RANBP2: variants seen among roughly 807,000 people sequenced by gnomAD.
RANBP2 encodes E3 SUMO-protein ligase RanBP2.
In RANBP2, 57 loss-of-function variants were observed where a neutral mutation model predicts 303.6. The observed-to-expected ratio is 0.19, with a 90% CI of 0.15 to 0.23. The LOEUF (loss-of-function observed/expected upper bound fraction) is 0.23. RANBP2 is among the 10% of genes least tolerant of loss of function. The pLI, the probability that RANBP2 is intolerant of heterozygous loss-of-function variation, is 1.00. For synonymous variants in RANBP2, 1,167 were observed against 1,301.5 expected (o/e 0.90, Z 2.23); for missense variants, 3,138 against 3,780.8 (o/e 0.83, Z 4.46).
the RANBP2 span, among the ~76,000 whole-genome samples, chr2:109,166,940 C>A: frequency 6.6e-6 from 1 of 152,198 alleles, no homozygotes; most frequent in Non-Finnish European, 1.5e-5. Context: ...CATGATGCAT[C>A]CATAAATCTA....
the RANBP2 span, among the ~76,000 whole-genome samples, chr2:109,093,186 G>C: frequency 6.6e-6 from 1 of 152,176 alleles, no homozygotes; most frequent in Non-Finnish European, 1.5e-5. Flanking sequence ...AAGAGCAATA[G>C]AAACGGCTCA....
At chr2:109,507,126 G>T in the RANBP2 span, among the ~76,000 whole-genome samples, 1 of 152,178 alleles carries the variant, frequency 6.6e-6, no homozygotes, top group East Asian at 1.9e-4. Flanking sequence ...AGGGAGGAGG[G>T]TCTAAATGCC....
At chr2:109,507,782 ACTT>A in the RANBP2 span, among the ~76,000 whole-genome samples, 1 of 152,210 alleles carries the variant, frequency 6.6e-6, no homozygotes, top group Non-Finnish European at 1.5e-5. Flanking sequence ...TCAAAAGAGG[ACTT>A]CTTGACTCAA....
At chr2:109,544,882 A>C in the RANBP2 span, 1 of 887,090 alleles carries the variant, frequency 1.1e-6, no homozygotes, top group Non-Finnish European at 1.4e-6. Flanking sequence ...GCCCTTGGAG[A>C]GCTTGCATTG....
At chr2:109,425,590 A>T in the RANBP2 span, among the ~76,000 whole-genome samples, 1 of 152,108 alleles carries the variant, frequency 6.6e-6, no homozygotes, top group African/African-American at 2.4e-5. Context: ...TGCTAAATCT[A>T]CTCTGCCTGT....
chr2:109,435,587 G>A, the RANBP2 span, among the ~76,000 whole-genome samples: 1 of 152,188 alleles, frequency 6.6e-6, no homozygotes, highest in African/African-American at 2.4e-5. Context: ...CTCTTCCCGT[G>A]AGGGCACGCA....
chr2:108,990,684 CCA>C, the RANBP2 span, among the ~76,000 whole-genome samples: 1 of 152,136 alleles, frequency 6.6e-6, no homozygotes, highest in Non-Finnish European at 1.5e-5. Flanking sequence ...AATTCTGCCT[CCA>C]CAGAGATTAA....
chr2:109,534,544 C>G, the RANBP2 span, among the ~76,000 whole-genome samples: 2 of 152,174 alleles, frequency 1.3e-5, no homozygotes, highest in Non-Finnish European at 2.9e-5. Flanking sequence ...CTTTGGGAGG[C>G]CGAGGTGAGT....
the RANBP2 span, among the ~76,000 whole-genome samples, chr2:109,374,406 T>C: frequency 6.6e-6 from 1 of 152,166 alleles, no homozygotes; most frequent in African/African-American, 2.4e-5. Flanking sequence ...TTTCATTCTT[T>C]ATGTACTGAC....
chr2:109,417,790 C>T, the RANBP2 span, among the ~76,000 whole-genome samples: 1 of 152,186 alleles, frequency 6.6e-6, no homozygotes, highest in African/African-American at 2.4e-5. Context: ...TGGTTTCAGG[C>T]TCTGCTATGA....
At chr2:109,088,092 G>A in the RANBP2 span, among the ~76,000 whole-genome samples, 11 of 151,848 alleles carry the variant, frequency 7.2e-5, no homozygotes, top group East Asian at 1.9e-4. Context: ...GTGAAACCTC[G>A]TCTCTACTAA....
chr2:109,401,803 C>G, the RANBP2 span, among the ~76,000 whole-genome samples: 2 of 152,184 alleles, frequency 1.3e-5, no homozygotes, highest in African/African-American at 4.8e-5. Context: ...GCAGAGGGAA[C>G]CTTTCTAAGC....
the RANBP2 span, among the ~76,000 whole-genome samples, chr2:109,718,005 A>C: frequency 6.6e-6 from 1 of 152,240 alleles, no homozygotes; most frequent in Non-Finnish European, 1.5e-5. Context: ...CAAAATGAGC[A>C]AAACTTATAC....
chr2:108,719,901 C>A (rs575693286), intron 1 of RANBP2, among the ~76,000 whole-genome samples: 1 of 152,310 alleles, frequency 6.6e-6, no homozygotes, highest in South Asian at 2.1e-4. Flanking sequence ...CTTCCTCTTT[C>A]TCCCGGCTTG....
At chr2:109,473,914 C>T in the RANBP2 span, among the ~76,000 whole-genome samples, 4 of 152,330 alleles carry the variant, frequency 2.6e-5, no homozygotes, top group South Asian at 8.3e-4. Context: ...GCAGTGCTGT[C>T]ATTACCCCTA....
the RANBP2 span, among the ~76,000 whole-genome samples, chr2:109,140,191 C>T: frequency 6.6e-6 from 1 of 152,168 alleles, no homozygotes; most frequent in African/African-American, 2.4e-5. Flanking sequence ...ATGGTTGGTG[C>T]ATATGGGTCG....
chr2:109,148,058 A>G, the RANBP2 span, among the ~76,000 whole-genome samples: 1 of 152,108 alleles, frequency 6.6e-6, no homozygotes, highest in Non-Finnish European at 1.5e-5. Context: ...GTGACTGTGG[A>G]ATTCGAGTTC....
the RANBP2 span, among the ~76,000 whole-genome samples, chr2:109,468,855 GAAAAAAAA>G: frequency 7.7e-5 from 5 of 64,866 alleles, no homozygotes; most frequent in African/African-American, 2.2e-4. Flanking sequence ...CTCTGTCTCA[GAAAAAAAA>G]AAAAAAAAAA....
chr2:108,836,268 T>G, the RANBP2 span, among the ~76,000 whole-genome samples: 1 of 152,256 alleles, frequency 6.6e-6, no homozygotes, highest in Admixed American at 6.5e-5. Flanking sequence ...ATTTGCCTTT[T>G]TGTGACTGGC....
Sources: allele counts gnomAD v4.1 joint callset (sites outside exome capture counted in the v4.1 genomes callset), GRCh38; gene constraint gnomAD v4.1.1; transcripts MANE v1.5; gene names NCBI Gene and HGNC (gene_info 2026-07-23, HGNC 2026-07-21).